Variants in ADK observed in about 807,000 individuals in gnomAD.
The protein encoded by ADK is N6,N6-dimethyladenosine kinase.
A neutral mutation model predicts 44.7 loss-of-function variants in ADK; 24 were observed. That is an observed-to-expected ratio of 0.54 (90% confidence interval 0.39 to 0.76). ADK has a LOEUF of 0.76. Ranked by LOEUF, ADK falls within the 30% of genes least tolerant of loss-of-function variation. The pLI is 0.00. For synonymous variants in ADK, 128 were observed against 142.6 expected, an observed-to-expected ratio of 0.90 and a Z score of 0.73; for missense variants, 321 against 425.1, an observed-to-expected ratio of 0.76 and a Z score of 2.15.
chr10:74,156,878 G>A (rs1445592557), intron 1 of ADK, among the ~76,000 whole-genome samples: 1 of 152,176 alleles, frequency 6.6e-6, no homozygotes, highest in Admixed American at 6.5e-5. Context: ...GAAAGGAAAA[G>A]ATATAGATAT....
intron 4 of ADK, among the ~76,000 whole-genome samples, chr10:74,384,718 G>A (rs918023108): frequency 6.6e-6 from 1 of 152,024 alleles, no homozygotes; most frequent in African/African-American, 2.4e-5. Context: ...CAGAATTTAG[G>A]ACAACATTGT....
At chr10:74,439,301 G>A (rs1371240308) in intron 6 of ADK, among the ~76,000 whole-genome samples, 1 of 148,884 alleles carries the variant, frequency 6.7e-6, no homozygotes, top group East Asian at 1.9e-4. Context: ...TTTTCCTTCA[G>A]TAAAAGGGTC....
intron 6 of ADK, among the ~76,000 whole-genome samples, chr10:74,428,272 G>C (rs147747639): frequency 4.5e-4 from 68 of 152,280 alleles, no homozygotes; most frequent in African/African-American, 1.6e-3. Flanking sequence ...AGTCCCTAAT[G>C]CCTACTAAAA....
At chr10:74,326,721 CTT>C (rs962586902) in intron 4 of ADK, among the ~76,000 whole-genome samples, 5 of 152,020 alleles carry the variant, frequency 3.3e-5, no homozygotes, top group African/African-American at 1.2e-4. Context: ...GATTTAATCT[CTT>C]TACTTATTGG....
intron 1 of ADK, chr10:74,176,694 C>G (rs754642862): frequency 2.5e-5 from 37 of 1,457,972 alleles, no homozygotes; most frequent in Non-Finnish European, 3.3e-5. Context: ...CCCGCCTTCC[C>G]TCCAATCAGC....
intron 6 of ADK, among the ~76,000 whole-genome samples, chr10:74,503,892 G>C (rs1847959970): frequency 6.6e-6 from 1 of 152,102 alleles, no homozygotes; most frequent in African/African-American, 2.4e-5. Context: ...CCATCATCTT[G>C]TCAGGGTCCA....
intron 1 of ADK, among the ~76,000 whole-genome samples, chr10:74,160,896 A>G (rs905087112): frequency 3.9e-5 from 6 of 152,048 alleles, no homozygotes; most frequent in African/African-American, 1.5e-4. Context: ...CCATTTTAGC[A>G]TGTACAATAT....
At chr10:74,566,080 A>C (rs1850657865) in intron 7 of ADK, among the ~76,000 whole-genome samples, 1 of 152,178 alleles carries the variant, frequency 6.6e-6, no homozygotes, top group Non-Finnish European at 1.5e-5. Flanking sequence ...TAAATTTATA[A>C]GCATTTGCCT....
intron 8 of ADK, among the ~76,000 whole-genome samples, chr10:74,598,139 C>A (rs531013478): frequency 6.6e-6 from 1 of 152,082 alleles, no homozygotes; most frequent in East Asian, 1.9e-4. Context: ...TAAATCCAAG[C>A]CTGTCATATT....
intron 3 of ADK, among the ~76,000 whole-genome samples, chr10:74,266,377 T>C (rs1378916923): frequency 6.6e-6 from 1 of 152,038 alleles, no homozygotes; most frequent in African/African-American, 2.4e-5. Flanking sequence ...GCCAACATGA[T>C]GAAACCCCGT....
chr10:74,220,367 G>A (rs1367981746), intron 2 of ADK, among the ~76,000 whole-genome samples: 4 of 152,224 alleles, frequency 2.6e-5, no homozygotes, highest in Middle Eastern at 3.4e-3. Flanking sequence ...CTGAAATTGT[G>A]GCAATAATCA....
chr10:74,441,588 T>C (rs1592219117), intron 6 of ADK, among the ~76,000 whole-genome samples: 1 of 152,130 alleles, frequency 6.6e-6, no homozygotes, highest in East Asian at 1.9e-4. Context: ...GATTTAAACA[T>C]AAAACCTGAG....
At chr10:74,247,753 C>T (rs369847761) in intron 3 of ADK, among the ~76,000 whole-genome samples, 3 of 151,974 alleles carry the variant, frequency 2.0e-5, no homozygotes, top group African/African-American at 2.4e-5. Context: ...GTAACCTTAG[C>T]GTCAGAAAGA....
At chr10:74,397,088 A>T (rs1440632129) in intron 5 of ADK, among the ~76,000 whole-genome samples, 1 of 152,066 alleles carries the variant, frequency 6.6e-6, no homozygotes, top group African/African-American at 2.4e-5. Context: ...TTTGGTAGCC[A>T]TTTTGTCAAA....
chr10:74,169,813 A>G (rs1842114520), intron 1 of ADK, among the ~76,000 whole-genome samples: 1 of 152,240 alleles, frequency 6.6e-6, no homozygotes. Flanking sequence ...CTTTAAAAAA[A>G]TTCAATATGT....
intron 10 of ADK, among the ~76,000 whole-genome samples, chr10:74,702,289 T>G (rs1197423512): frequency 6.6e-6 from 1 of 151,724 alleles, no homozygotes; most frequent in Non-Finnish European, 1.5e-5. Flanking sequence ...ATTCAAGCGA[T>G]TCTCCTGCCT....
At chr10:74,210,247 T>G (rs754039768) in intron 2 of ADK, among the ~76,000 whole-genome samples, 3 of 145,172 alleles carry the variant, frequency 2.1e-5, no homozygotes, top group Non-Finnish European at 4.5e-5. Flanking sequence ...GAGAATCGCT[T>G]GAACCCAGGA....
At chr10:74,371,887 A>G in intron 4 of ADK, 4 of 1,479,318 alleles carry the variant, frequency 2.7e-6, no homozygotes, top group Non-Finnish European at 3.7e-6. Context: ...GCCTTCCAAG[A>G]GCCACGGCTT....
At chr10:74,417,725 A>G (rs946480078) in intron 6 of ADK, among the ~76,000 whole-genome samples, 3 of 151,836 alleles carry the variant, frequency 2.0e-5, no homozygotes, top group Non-Finnish European at 4.4e-5. Flanking sequence ...TTTCTAAGGC[A>G]TGGAGAATCT....
Sources: gnomAD v4.1 joint callset for allele counts (sites outside exome capture counted in the v4.1 genomes callset) on GRCh38, gnomAD v4.1.1 for gene constraint, MANE v1.5 for transcripts, NCBI Gene and HGNC (gene_info 2026-07-23, HGNC 2026-07-21) for gene names.